Variants in NTRK3 observed in about 807,000 individuals in gnomAD.
NTRK3 encodes NT-3 growth factor receptor.
A neutral mutation model predicts 91.7 loss-of-function variants in NTRK3; 24 were observed. The ratio of observed to expected loss-of-function variants is 0.26; its 90% CI spans 0.19 to 0.37. The LOEUF (loss-of-function observed/expected upper bound fraction) is 0.37, where lower values mean the gene tolerates loss of function less well. Ranked by LOEUF, NTRK3 falls within the 10% of genes least tolerant of loss-of-function variation. The pLI, the probability that NTRK3 is intolerant of heterozygous loss-of-function variation, is 1.00. For missense variants in NTRK3, 880 were observed against 1,068.9 expected (o/e 0.82, Z 2.46); for synonymous variants, 483 against 404.0 (o/e 1.20, Z -2.34).
chr15:88,140,848 G>C (rs1052228134), intron 6 of NTRK3, among the ~76,000 whole-genome samples: 1 of 152,192 alleles, frequency 6.6e-6, no homozygotes, highest in Non-Finnish European at 1.5e-5. Flanking sequence ...GTTAATATGG[G>C]CCTAGAGTGG....
intron 13 of NTRK3, among the ~76,000 whole-genome samples, chr15:88,108,165 C>A (rs984748507): frequency 2.6e-5 from 4 of 152,184 alleles, no homozygotes; most frequent in African/African-American, 9.7e-5. Flanking sequence ...CTGTGCTCAC[C>A]AAGGATGAAA....
At chr15:88,137,295 G>A (rs1208698584) in intron 7 of NTRK3, 109 bp downstream of exon 7, 4 of 1,279,476 alleles carry the variant, frequency 3.1e-6, no homozygotes, top group Non-Finnish European at 4.4e-6. Context: ...AGGCTGGGAG[G>A]GCGTTTCGAA....
At chr15:88,159,254 T>A (rs2044211054) in intron 5 of NTRK3, among the ~76,000 whole-genome samples, 1 of 152,202 alleles carries the variant, frequency 6.6e-6, no homozygotes, top group African/African-American at 2.4e-5. Context: ...AACAGAAAGC[T>A]GCTCTGGGCC....
intron 3 of NTRK3, among the ~76,000 whole-genome samples, chr15:88,252,215 C>T (rs1338297523): frequency 6.6e-6 from 1 of 152,150 alleles, no homozygotes; most frequent in Non-Finnish European, 1.5e-5. Context: ...ACTGTGCCTA[C>T]CGAGAGTGAG....
chr15:88,015,387 C>T (rs896173750), intron 14 of NTRK3, among the ~76,000 whole-genome samples: 1 of 152,164 alleles, frequency 6.6e-6, no homozygotes, highest in African/African-American at 2.4e-5. Flanking sequence ...ACCTCCAGCC[C>T]TGCCCCCACC....
At chr15:87,887,927 A>G (rs1244263993) in intron 17 of NTRK3, among the ~76,000 whole-genome samples, 1 of 152,230 alleles carries the variant, frequency 6.6e-6, no homozygotes, top group Non-Finnish European at 1.5e-5. Flanking sequence ...CATAAGAAAT[A>G]TTAGCTACTG....
chr15:88,050,910 T>C (rs1405313220), intron 13 of NTRK3, among the ~76,000 whole-genome samples: 1 of 152,180 alleles, frequency 6.6e-6, no homozygotes, highest in East Asian at 1.9e-4. Flanking sequence ...CCACAAACTA[T>C]AATTTTAAGA....
chr15:88,115,925 T>C (rs2052014001), intron 13 of NTRK3, among the ~76,000 whole-genome samples: 1 of 151,964 alleles, frequency 6.6e-6, no homozygotes, highest in Non-Finnish European at 1.5e-5. Context: ...TTTCCGGTTT[T>C]TTATAGCCCT....
chr15:87,907,897 T>C (rs2066865556), intron 17 of NTRK3, among the ~76,000 whole-genome samples: 1 of 152,194 alleles, frequency 6.6e-6, no homozygotes, highest in Non-Finnish European at 1.5e-5. Flanking sequence ...AAAGCCTCCC[T>C]GCAAGCACTG....
At chr15:87,873,824 C>T (rs533362484) in exon 19 of NTRK3, 15 of 231,712 alleles carry the variant, frequency 6.5e-5, no homozygotes, top group South Asian at 1.8e-4. Flanking sequence ...CTTCAGACTC[C>T]GAAATGTTGA....
chr15:88,221,133 CTGGTT>C (rs1178452457), intron 3 of NTRK3, among the ~76,000 whole-genome samples: 9 of 152,136 alleles, frequency 5.9e-5, no homozygotes, highest in African/African-American at 2.2e-4. Flanking sequence ...TACTCTTTTC[CTGGTT>C]ATAAAGTAAT....
intron 14 of NTRK3, among the ~76,000 whole-genome samples, chr15:87,998,903 G>C (rs535562249): frequency 5.3e-5 from 8 of 152,136 alleles, no homozygotes; most frequent in Admixed American, 2.6e-4. Flanking sequence ...TAGGGAGTGT[G>C]GGGGGAGGAG....
At chr15:88,075,617 T>C (rs1409620479) in intron 13 of NTRK3, among the ~76,000 whole-genome samples, 1 of 152,186 alleles carries the variant, frequency 6.6e-6, no homozygotes, top group Non-Finnish European at 1.5e-5. Flanking sequence ...TTGTTGTTGT[T>C]GTTGTTGCTG....
chr15:87,862,380 G>A (rs537045946), exon 19 of NTRK3: 1 of 226,510 alleles, frequency 4.4e-6, no homozygotes, highest in African/African-American at 2.2e-5. Flanking sequence ...AAATGTTATG[G>A]ATGTTATGAT....
intron 13 of NTRK3, among the ~76,000 whole-genome samples, chr15:88,051,039 T>C (rs1308712104): frequency 1.3e-5 from 2 of 152,230 alleles, no homozygotes; most frequent in African/African-American, 4.8e-5. Flanking sequence ...CATAAACATG[T>C]ACAAATTGGG....
In NTRK3 at chr15:87,948,451, G is replaced by A. The variant is rs144251173; in HGVS notation, c.1586-7698C>T. The stretch of plus-strand genomic sequence containing the variant: ...GCCTGTAATCCCAGCACTTTGGGAG[G>A]CCGAGGTGGGTGGATCACTTGAGGT... On this transcript the variant is annotated intron_variant, in intron 14 of 18. Coordinates refer to ENST00000394480, the Ensembl canonical transcript of NTRK3. 9.8e-3 allele frequency among the ~76,000 whole-genome samples: 1,492 copies of A among 152,328 alleles called. 26 individuals are homozygous for A. Among genetic ancestry groups the A allele is most frequent in the African/African-American group, 0.034 (1,409 of 41,568 alleles).
intron 3 of NTRK3, among the ~76,000 whole-genome samples, chr15:88,209,625 C>T (rs757513121): frequency 6.6e-6 from 1 of 152,210 alleles, no homozygotes; most frequent in Non-Finnish European, 1.5e-5. Context: ...GCTGTGAAGC[C>T]CAGGGTCAGA....
chr15:88,134,993 A>T (rs936600264), intron 10 of NTRK3, 108 bp downstream of exon 10: 6 of 1,321,100 alleles, frequency 4.5e-6, no homozygotes, highest in African/African-American at 1.4e-5. Context: ...GTTGCCCATG[A>T]TAACAGTATG....
chr15:88,005,702 G>A lies in NTRK3; in HGVS notation c.1585+27155C>T, dbSNP rs147540535. On this transcript the variant is annotated intron_variant, in intron 14 of 18. Coordinates refer to ENST00000394480, the Ensembl canonical transcript of NTRK3. ...GCCAGAGCACAGAAAAAGGTGCTAGGAGGCAGTCTCCCTCTCTTACCAAAA... is the reference window on the plus strand; with the variant it reads ...GCCAGAGCACAGAAAAAGGTGCTAGAAGGCAGTCTCCCTCTCTTACCAAAA... 3.8e-3 allele frequency among the ~76,000 whole-genome samples: 573 copies of A among 152,178 alleles called. 5 individuals carry two copies. Among genetic ancestry groups the A allele is most frequent in the African/African-American group, 0.013 (547 of 41,514 alleles).
Sources: gnomAD v4.1 joint callset for allele counts (sites outside exome capture counted in the v4.1 genomes callset) on GRCh38, gnomAD v4.1.1 for gene constraint, MANE v1.5 for transcripts, NCBI Gene and HGNC (gene_info 2026-07-23, HGNC 2026-07-21) for gene names.